Variants in HCN3 observed in about 807,000 individuals in gnomAD.
HCN3 encodes the protein hyperpolarization activated cyclic nucleotide gated potassium channel 3, also known as potassium/sodium hyperpolarization-activated cyclic nucleotide-gated channel 3.
A neutral mutation model predicts 56.8 loss-of-function variants in HCN3; 36 were observed. The observed-to-expected ratio is 0.63, with a 90% CI of 0.49 to 0.84. The LOEUF (loss-of-function observed/expected upper bound fraction) is 0.84, where lower values mean the gene tolerates loss of function less well. HCN3 is among the 40% of genes least tolerant of loss of function. The probability of loss-of-function intolerance (pLI) is 0.00; values close to 1 mark genes in which losing one functional copy is unlikely to be tolerated. For synonymous variants in HCN3, 425 were observed against 439.7 expected, an observed-to-expected ratio of 0.97 and a Z score of 0.42; for missense variants, 930 against 1,079.3, an observed-to-expected ratio of 0.86 and a Z score of 1.94.
chr1:155,277,872 T>C lies in HCN3; in HGVS notation c.278+4T>C. The C allele has an allele frequency of 6.2e-7, 1 of 1,611,154 alleles. No individual in the cohort carries two copies. The highest frequency in any genetic ancestry group is 8.5e-7 in the Non-Finnish European group (1 of 1,179,324). On this transcript the variant is annotated splice_donor_region_variant and intron_variant, in intron 1 of 7. Coordinates refer to ENST00000368358, the MANE Select transcript of HCN3 (RefSeq NM_020897.3). ...TCCACCCCTACAGCGACTTCCGGTA[T>C]TGGGGGCTTGGCGGGGAGGGCAGGG...
intron 1 of HCN3, among the ~76,000 whole-genome samples, chr1:155,279,771 G>T (rs1387942086): frequency 2.6e-5 from 4 of 152,090 alleles, no homozygotes; most frequent in Admixed American, 1.3e-4. Flanking sequence ...GTACCACACT[G>T]TCACATCTAT....
rs1197949382 is a variant in HCN3, at chr1:155,287,950, G to A, written c.1812G>A (p.Glu604=). 4 of 1,614,102 alleles carry A rather than the reference G, an allele frequency of 2.5e-6. No homozygotes were observed. Among genetic ancestry groups the A allele is most frequent in the Non-Finnish European group, 3.4e-6 (4 of 1,180,024 alleles). The change falls in exon 8 of 8, where the codon GAG becomes GAA. Residue 604 remains glutamate (E), a synonymous_variant. Transcript: ENST00000368358. ...TTAGTGGAAAGCCAGTACTGTGGGA[G>A]CCACTGGTACATGCGCCCCTTCAGG... The part of the protein sequence containing the change: ...AQLSGKPVLW[E]PLVHAPLQAA...
Position 155,282,305 on chromosome 1 carries a change from A to G in HCN3, c.279-106A>G. The G allele has an allele frequency of 9.6e-7, 1 of 1,038,938 alleles. No individual in the cohort carries two copies. The highest frequency in any genetic ancestry group is 1.5e-6 in the Non-Finnish European group (1 of 688,894). 64.4% of individuals were successfully genotyped at this position (1,038,938 alleles called of 1,614,324 possible). On this transcript the variant is annotated intron_variant, in intron 1 of 7. Transcript: ENST00000368358. The surrounding 1 kb of genome is among the most constrained non-coding windows in gnomAD (Gnocchi z 4.7). ...AACAGCTGTAAACAGTCATTCTGTT[A>G]TTGTGTATCTTTGCCCATTCTTGGC... is the stretch of plus-strand genomic sequence containing the variant.
At position 155,280,689 on chromosome 1, in the gene HCN3, T is replaced by C. The variant is rs1011977989; in HGVS notation, c.279-1722T>C. On this transcript the variant is annotated intron_variant, in intron 1 of 7. Coordinates refer to ENST00000368358, the MANE Select transcript of HCN3 (RefSeq NM_020897.3). ...TCCTGACCTTGTGATCTGCCCACCT[T>C]GGCCTCCCAAAGTGCTGGGATTACA... 6.8e-5 allele frequency among the ~76,000 whole-genome samples: 10 copies of C among 148,016 alleles called. 1 individual carries two copies. The East Asian group carries it at 8.3e-4, about 12-fold the overall frequency.
intron 1 of HCN3, among the ~76,000 whole-genome samples, chr1:155,280,416 C>G (rs867984914): frequency 6.7e-6 from 1 of 149,278 alleles, no homozygotes; most frequent in Non-Finnish European, 1.5e-5. Context: ...ATTACAGGTG[C>G]GCGCCACCAC....
chr1:155,288,208 G>T lies in HCN3; in HGVS notation c.2070G>T (p.Gln690His), dbSNP rs1229573763. Residue 690 changes from glutamine to histidine, a missense_variant, in exon 8 of 8, where the codon CAG (glutamine) becomes CAT (histidine). Gln to His is a conservative substitution (Grantham distance 24). Coordinates refer to ENST00000368358, the MANE Select transcript of HCN3 (RefSeq NM_020897.3). The surrounding 1 kb of genome is among the most constrained non-coding windows in gnomAD (Gnocchi z 6.5). The stretch of plus-strand genomic sequence containing the variant: ...GCCTATCCCGGGCAGGGCGCTCCCA[G>T]GTCTCCCTGCTGGGTCCCCCTCCAG... ...HASLSRAGRS[Q>H]VSLLGPPPGG... 1 of 1,575,652 alleles carries T rather than the reference G, an allele frequency of 6.3e-7. No homozygotes were observed. Among genetic ancestry groups the T allele is most frequent in the Admixed American group, 1.8e-5 (1 of 54,734 alleles).
rs1674131815 is a variant in HCN3 at position 155,282,954 on chromosome 1, C to A, written c.708+114C>A. ...TGCTATGGGTGGGGCTCCTGGTGAC[C>A]TTATAGTGTGGGGAAGATGGGTGGG... On this transcript the variant is annotated intron_variant, in intron 2 of 7. Coordinates refer to ENST00000368358, the MANE Select transcript of HCN3 (RefSeq NM_020897.3). The surrounding 1 kb of genome is among the most constrained non-coding windows in gnomAD (Gnocchi z 4.7). 9.1e-7 allele frequency: 1 copy of A among 1,104,772 alleles called. No homozygotes were observed. Among genetic ancestry groups the A allele is most frequent in the Non-Finnish European group, 1.3e-6 (1 of 782,902 alleles). The allele number at this position is 1,104,772 out of a possible 1,614,324, so 68.4% of individuals were successfully genotyped here. A position where few individuals can be genotyped will look rare whatever the true frequency, so the allele number is the denominator to read the frequency against.
In HCN3 at chr1:155,284,151, A is replaced by G; in HGVS notation, c.870+16A>G. On this transcript the variant is annotated intron_variant, in intron 3 of 7. Coordinates refer to ENST00000368358, the MANE Select transcript of HCN3 (RefSeq NM_020897.3). The surrounding 1 kb of genome is among the most constrained non-coding windows in gnomAD (Gnocchi z 4.3). ...CCACATGGTGGTGAGAAGTCCCCAC[A>G]GCTCTGCCTTTCCTGGGCCTTCTTA... 6.2e-7 allele frequency: 1 copy of G among 1,611,726 alleles called. No homozygotes were observed. The highest frequency in any genetic ancestry group is 8.5e-7 in the Non-Finnish European group (1 of 1,177,990).
Position 155,282,896 on chromosome 1 carries a change from G to C in HCN3, c.708+56G>C. 7.0e-7 allele frequency: 1 copy of C among 1,429,986 alleles called. No homozygotes were observed. The highest frequency in any genetic ancestry group is 9.4e-7 in the Non-Finnish European group (1 of 1,058,398). 88.6% of individuals were successfully genotyped at this position (1,429,986 alleles called of 1,614,324 possible). On this transcript the variant is annotated intron_variant, in intron 2 of 7. Coordinates refer to ENST00000368358, the MANE Select transcript of HCN3 (RefSeq NM_020897.3). This position sits in a 1 kb window ranked among gnomAD's most constrained non-coding sequence, Gnocchi z 4.7. ...GGGTGGGGGATGTTGGGGGAGAAGG[G>C]GGCGGGGCGGCTGGTGGACTTCTCT...
In HCN3 at chr1:155,285,699, C is replaced by A; in HGVS notation, c.1237-25C>A. 6.2e-7 allele frequency: 1 copy of A among 1,612,472 alleles called. No homozygotes were observed. The highest frequency in any genetic ancestry group is 8.5e-7 in the Non-Finnish European group (1 of 1,178,938). ...CATCTCAGGTCAGGGGCACAGCCTG[C>A]CTGACAGGCCCCTCCCCTGTCCAGG... On this transcript the variant is annotated intron_variant, in intron 5 of 7. Transcript: ENST00000368358. The surrounding 1 kb of genome is among the most constrained non-coding windows in gnomAD (Gnocchi z 4.5).
rs779906752 is a variant in HCN3, at chr1:155,282,382, T to C, written c.279-29T>C. The C allele has an allele frequency of 6.2e-7, 1 of 1,605,230 alleles. No individual in the cohort carries two copies. Among genetic ancestry groups the C allele is most frequent in the Non-Finnish European group, 8.5e-7 (1 of 1,174,288 alleles). Reference sequence around the variant, plus strand: ...AGTGGCTGGTGAAATATCCTCATGGTCTTACTCCTCATCTCACTCCCACCT... The same window carrying C: ...AGTGGCTGGTGAAATATCCTCATGGCCTTACTCCTCATCTCACTCCCACCT... On this transcript the variant is annotated intron_variant, in intron 1 of 7. Coordinates refer to ENST00000368358, the MANE Select transcript of HCN3 (RefSeq NM_020897.3). The surrounding 1 kb of genome is among the most constrained non-coding windows in gnomAD (Gnocchi z 4.7).
intron 1 of HCN3, among the ~76,000 whole-genome samples, chr1:155,280,264 T>TTTATTTTA (rs112169194): frequency 2.7e-5 from 4 of 148,296 alleles, no homozygotes; most frequent in Admixed American, 6.7e-5. Flanking sequence ...TATTTATTTA[T>TTTATTTTA]TTTATTTATT....
chr1:155,280,180 C>T (rs1050485727), intron 1 of HCN3, among the ~76,000 whole-genome samples: 6 of 151,882 alleles, frequency 4.0e-5, no homozygotes, highest in Non-Finnish European at 8.8e-5. Flanking sequence ...CACTTGACCT[C>T]GTGATCCACC....
At position 155,287,160 on chromosome 1, in the gene HCN3, C is replaced by G; in HGVS notation, c.1478-13C>G. On this transcript the variant is annotated splice_polypyrimidine_tract_variant and intron_variant, in intron 6 of 7. Coordinates refer to ENST00000368358, the MANE Select transcript of HCN3 (RefSeq NM_020897.3). ...AAGGACGGGGTTCTGAAGCTTCCTC[C>G]CAATTTCTGCAGAGATCTGCCTGCT... The G allele has an allele frequency of 6.2e-7, 1 of 1,610,960 alleles. No homozygotes were observed. Among genetic ancestry groups the G allele is most frequent in the Non-Finnish European group, 8.5e-7 (1 of 1,179,828 alleles).
Position 155,285,244 on chromosome 1 carries a change from AC to A in HCN3, c.1171del (p.Arg391AlafsTer16). 1.2e-6 allele frequency: 2 copies of A among 1,612,082 alleles called. No homozygotes were observed. The highest frequency in any genetic ancestry group is 1.7e-6 in the Non-Finnish European group (2 of 1,179,048). On this transcript the variant is annotated frameshift_variant, in exon 5 of 8. Coordinates refer to ENST00000368358, the MANE Select transcript of HCN3 (RefSeq NM_020897.3). LOFTEE classifies it high-confidence loss of function. This position sits in a 1 kb window ranked among gnomAD's most constrained non-coding sequence, Gnocchi z 4.5. ...TRQRIHEYYE[H>X]RYQGKMFDEE... Reference sequence around the variant, plus strand: ...CAGCGCATCCACGAGTACTATGAGCACCGCTACCAGGGCAAGATGTTCGATG... The same window carrying A: ...CAGCGCATCCACGAGTACTATGAGCACGCTACCAGGGCAAGATGTTCGATG...
chr1:155,288,540 C>A lies in HCN3; in HGVS notation c.*77C>A. The A allele has an allele frequency of 6.7e-7, 1 of 1,493,918 alleles. No individual in the cohort carries two copies. Among genetic ancestry groups the A allele is most frequent in the Non-Finnish European group, 9.0e-7 (1 of 1,115,544 alleles). The allele number at this position is 1,493,918 out of a possible 1,614,324, so 92.5% of individuals were successfully genotyped here. On this transcript the variant is annotated 3_prime_UTR_variant, in exon 8 of 8. Coordinates refer to ENST00000368358, the MANE Select transcript of HCN3 (RefSeq NM_020897.3). The surrounding 1 kb of genome is among the most constrained non-coding windows in gnomAD (Gnocchi z 6.5). ...AAGGGCAGATGCCTCTTGGGGAAGG[C>A]CATGGGGACCTGAAACATTGCCCCA...
intron 6 of HCN3, among the ~76,000 whole-genome samples, chr1:155,286,552 A>G: frequency 6.6e-6 from 1 of 152,158 alleles, no homozygotes; most frequent in South Asian, 2.1e-4. Flanking sequence ...AAATCCAAGG[A>G]TCCTATGAGA....
chr1:155,277,767 G>A lies in HCN3; in HGVS notation c.177G>A (p.Lys59=), dbSNP rs369490854. 6.2e-7 allele frequency: 1 copy of A among 1,609,836 alleles called. No homozygotes were observed. The highest frequency in any genetic ancestry group is 8.5e-7 in the Non-Finnish European group (1 of 1,178,526). Residue 59 remains lysine, a synonymous_variant, in exon 1 of 8, where the codon AAG becomes AAA. Coordinates refer to ENST00000368358, the MANE Select transcript of HCN3 (RefSeq NM_020897.3). Reference sequence around the variant, plus strand: ...CGCTGCTCCAGCCTACGGTCAACAAGTTCTCCCTTCGGGTGTTCGGCAGCC... The same window carrying A: ...CGCTGCTCCAGCCTACGGTCAACAAATTCTCCCTTCGGGTGTTCGGCAGCC... ...LGTLLQPTVN[K]FSLRVFGSHK... is the part of the protein sequence containing the mutation.
At chr1:155,277,920 G>A in intron 1 of HCN3, 52 bp downstream of exon 1, 5 of 1,573,126 alleles carry the variant, frequency 3.2e-6, no homozygotes, top group Non-Finnish European at 4.3e-6. Flanking sequence ...ACCCTCGCGG[G>A]CAGCGACACC....
Sources: gnomAD v4.1 joint callset for allele counts (sites outside exome capture counted in the v4.1 genomes callset) on GRCh38, gnomAD v4.1.1 for gene constraint, Gnocchi (gnomAD v3.1) non-coding constraint, MANE v1.5 for transcripts, NCBI Gene and HGNC (gene_info 2026-07-23, HGNC 2026-07-21) for gene names.